CHD8: variants seen among roughly 807,000 people sequenced by gnomAD.
The protein encoded by CHD8 is chromodomain helicase DNA binding protein 8.
Under a neutral mutation model 279.2 loss-of-function variants are expected in CHD8, and 31 were observed. The ratio of observed to expected loss-of-function variants is 0.11; its 90% CI spans 0.08 to 0.15. The LOEUF (loss-of-function observed/expected upper bound fraction) is 0.15, where lower values mean the gene tolerates loss of function less well. CHD8 is among the 10% of genes least tolerant of loss of function. The pLI, the probability that CHD8 is intolerant of heterozygous loss-of-function variation, is 1.00. For synonymous variants in CHD8, 1,081 were observed against 1,139.6 expected, an observed-to-expected ratio of 0.95 and a Z score of 1.04; for missense variants, 2,146 against 3,230.5, an observed-to-expected ratio of 0.66 and a Z score of 8.14.
Position 21,391,594 on chromosome 14 carries a change from C to T in CHD8, c.6934G>A (p.Glu2312Lys), listed in dbSNP as rs1413728519. The T allele has an allele frequency of 6.2e-7, 1 of 1,611,816 alleles. No individual in the cohort carries two copies. The highest frequency in any genetic ancestry group is 8.5e-7 in the Non-Finnish European group (1 of 1,178,924). Residue 2312 changes from glutamate to lysine, a missense_variant, in exon 36 of 38, where the codon GAG becomes AAG. By Grantham distance (56) the Glu-to-Lys change is moderately conservative. Around this residue, in one of 26 missense-constraint regions of CHD8, gnomAD observed 336 missense variants for 392.9 expected, o/e 0.86. Transcript: ENST00000646647. ...TTATTGATGACAGGGATCCGGGTCT[C>T]CAGGTCCACATCAAGGTGATTAGGC... ...EEPNHLDVDL[E>K]TRIPVINKVD...
Position 21,393,551 on chromosome 14 carries a change from A to G in CHD8, c.6244T>C (p.Ser2082Pro). The change falls in exon 32 of 38, where the codon TCT becomes CCT. Residue 2082 changes from serine (S) to proline (P), a missense_variant. Physicochemically the swap from Ser to Pro is moderately conservative, Grantham distance 74. Coordinates refer to ENST00000646647, the MANE Select transcript of CHD8 (RefSeq NM_001170629.2). ...ELDLSKLSPS[S>P]SSSSSSSSSS... ...CTGGATGAGGATGAGGAAGAAGAAG[A>G]AGATGGTGACAGCTTGCTCAAGTCC... 6.2e-7 allele frequency: 1 copy of G among 1,609,396 alleles called. No homozygotes were observed. The highest frequency in any genetic ancestry group is 1.1e-5 in the South Asian group (1 of 90,150).
In CHD8 at chr14:21,403,747, A is replaced by G; in HGVS notation, c.3308-84T>C. On this transcript the variant is annotated intron_variant, in intron 16 of 37. Coordinates refer to ENST00000646647, the MANE Select transcript of CHD8 (RefSeq NM_001170629.2). This position sits in a 1 kb window ranked among gnomAD's most constrained non-coding sequence, Gnocchi z 4.3. ...CTATTTAACTAAGAAAGCAAAAGGA[A>G]AAAAATGTAATTTGACTTAAGACCA... is the stretch of plus-strand genomic sequence containing the variant. The G allele has an allele frequency of 1.7e-6, 2 of 1,166,324 alleles. No homozygotes were observed. Among genetic ancestry groups the G allele is most frequent in the Non-Finnish European group, 1.2e-6 (1 of 812,352 alleles). The allele number at this position is 1,166,324 out of a possible 1,614,324, so 72.2% of individuals were successfully genotyped here. A position where few individuals can be genotyped will look rare whatever the true frequency, so the allele number is the denominator to read the frequency against.
In CHD8 at chr14:21,394,506, CA is replaced by C. The variant is rs767155795; in HGVS notation, c.5391-22del. 3 of 1,399,056 alleles carry C rather than the reference CA, an allele frequency of 2.1e-6. No homozygotes were observed. The African/African-American group carries it at 4.5e-5, about 21-fold the overall frequency. The allele number at this position is 1,399,056 out of a possible 1,614,324, so 86.7% of individuals were successfully genotyped here. On this transcript the variant is annotated intron_variant, in intron 30 of 37. Transcript: ENST00000646647. ...TCCATCTACAAAAGGAAAAGTAGGG[CA>C]ACAATAATCAGAAGAACACATCAGA...
chr14:21,402,559 G>T lies in CHD8; in HGVS notation c.3715-56C>A. On this transcript the variant is annotated intron_variant, in intron 18 of 37. Coordinates refer to ENST00000646647, the MANE Select transcript of CHD8 (RefSeq NM_001170629.2). The surrounding 1 kb of genome is among the most constrained non-coding windows in gnomAD (Gnocchi z 4.5). ...GAAAGATATCATAAAATTAGCAAGG[G>T]AAAGGATACAAAATACCAATTTATG... 6.7e-7 allele frequency: 1 copy of T among 1,482,932 alleles called. No homozygotes were observed. Among genetic ancestry groups the T allele is most frequent in the Non-Finnish European group, 9.0e-7 (1 of 1,106,032 alleles). The allele number at this position is 1,482,932 out of a possible 1,614,324, so 91.9% of individuals were successfully genotyped here. A position where few individuals can be genotyped will look rare whatever the true frequency, so the allele number is the denominator to read the frequency against.
chr14:21,439,601 C>A (rs1240544605), intron 1 of CHD8, among the ~76,000 whole-genome samples: 1 of 152,176 alleles, frequency 6.6e-6, no homozygotes, highest in African/African-American at 2.4e-5. Context: ...TATGTAGTTG[C>A]TTATGTAAGA....
At chr14:21,451,398 C>T (rs961233969) in intron 1 of CHD8, among the ~76,000 whole-genome samples, 1 of 151,454 alleles carries the variant, frequency 6.6e-6, no homozygotes, top group Non-Finnish European at 1.5e-5. Flanking sequence ...AGTGAAACCC[C>T]GACTCTACTA....
At chr14:21,420,683 T>C (rs1888990449) in intron 5 of CHD8, among the ~76,000 whole-genome samples, 1 of 152,142 alleles carries the variant, frequency 6.6e-6, no homozygotes, top group South Asian at 2.1e-4. Flanking sequence ...AAGTAGAGTG[T>C]TCATGAAAGT....
intron 30 of CHD8, chr14:21,394,686 A>G (rs1887700718): frequency 3.2e-6 from 2 of 629,434 alleles, no homozygotes; most frequent in East Asian, 2.8e-5. Flanking sequence ...CCAAGGGGGA[A>G]AAGACACAGA....
In CHD8 at chr14:21,394,121, A is replaced by G. The variant is rs781394366; in HGVS notation, c.5674T>C (p.Leu1892=). ...RASRTLYRIE[L]LRRLREQVLC... is the part of the protein sequence containing the mutation. ...ACTTGTTCCCGTAAGCGCCGAAGCAATTCTATACGGTAGAGAGTCCGTGAG... is the reference window on the plus strand; with the variant it reads ...ACTTGTTCCCGTAAGCGCCGAAGCAGTTCTATACGGTAGAGAGTCCGTGAG... The change falls in exon 32 of 38, where the codon TTG becomes CTG. Residue 1892 remains leucine, a synonymous_variant. Transcript: ENST00000646647. 12 of 1,613,510 alleles carry G rather than the reference A, an allele frequency of 7.4e-6. No homozygotes were observed. The South Asian group carries it at 1.2e-4, about 16-fold the overall frequency.
chr14:21,423,986 G>T (rs769752260), intron 5 of CHD8, among the ~76,000 whole-genome samples: 2 of 152,082 alleles, frequency 1.3e-5, no homozygotes, highest in Non-Finnish European at 2.9e-5. Flanking sequence ...CAACCACTAT[G>T]CTGTTCATGG....
At chr14:21,455,216 G>C (rs887115589) in intron 1 of CHD8, 1 of 152,140 alleles carries the variant, frequency 6.6e-6, no homozygotes. Flanking sequence ...GAAAGAGATG[G>C]GTCCACTATA....
In CHD8 at chr14:21,385,427, C is replaced by G. The variant is rs766590617; in HGVS notation, c.*186G>C. On this transcript the variant is annotated 3_prime_UTR_variant, in exon 38 of 38. Transcript: ENST00000646647. ...TGGTCATGTATTATTTTAGGAGTTCCCCTGCCCACCCAATCCTCTCATAAT... is the reference window on the plus strand; with the variant it reads ...TGGTCATGTATTATTTTAGGAGTTCGCCTGCCCACCCAATCCTCTCATAAT... 1.7e-4 allele frequency: 160 copies of G among 959,638 alleles called. No individual in the cohort carries two copies. The highest frequency in any genetic ancestry group is 1.3e-3 in the Middle Eastern group (4 of 3,010). The allele number at this position is 959,638 out of a possible 1,614,324, so 59.4% of individuals were successfully genotyped here.
intron 26 of CHD8, 38 bp downstream of exon 26, chr14:21,399,564 T>C (rs1331898594): frequency 4.9e-6 from 7 of 1,415,658 alleles, no homozygotes; most frequent in Non-Finnish European, 7.0e-6. Context: ...AACATAAATC[T>C]TCAGTCGGAA....
At chr14:21,395,948 G>GT in intron 27 of CHD8, 56 bp from the exon 28 acceptor site, 1 of 1,144,480 alleles carries the variant, frequency 8.7e-7, no homozygotes, top group Non-Finnish European at 1.3e-6. Flanking sequence ...TATCACTAAG[G>GT]GAACCTAGGA....
chr14:21,414,952 G>C lies in CHD8; in HGVS notation c.2010C>G (p.Val670=), dbSNP rs113768690. The stretch of plus-strand genomic sequence containing the variant: ...AGATCACGTACTAGTTCTTGTACTT[G>C]ACAAAGAATTCTTCTGCTTCAGTAT... ...GQYTEAEEFF[V]KYKNYSYLHC... The change falls in exon 8 of 38, where the codon GTC becomes GTG. Residue 670 remains valine (V), a synonymous_variant. Coordinates refer to ENST00000646647, the MANE Select transcript of CHD8 (RefSeq NM_001170629.2). 23 of 1,601,996 alleles carry C rather than the reference G, an allele frequency of 1.4e-5. No homozygotes were observed. In the African/African-American group the frequency reaches 2.3e-4, roughly 16 times the overall value.
intron 28 of CHD8, 41 bp from the exon 29 acceptor site, chr14:21,395,393 G>C (rs776000865): frequency 5.6e-6 from 8 of 1,433,600 alleles, no homozygotes; most frequent in Non-Finnish European, 7.8e-6. Context: ...AGCGGGGAGG[G>C]AAAGGGGGGG....
intron 20 of CHD8, 117 bp from the exon 21 acceptor site, chr14:21,401,630 G>T: frequency 1.5e-6 from 1 of 672,466 alleles, no homozygotes; most frequent in Non-Finnish European, 2.4e-6. Flanking sequence ...TGTTGCCCAG[G>T]CTGGGGTACA....
In CHD8 at chr14:21,390,355, A is replaced by T. The variant is rs1055030111; in HGVS notation, c.7182+592T>A. Among the ~76,000 whole-genome samples the T allele has an allele frequency of 9.2e-5, 14 of 152,334 alleles. No homozygotes were observed. In the South Asian group the frequency reaches 2.5e-3, roughly 27 times the overall value. ...TTATTCAATAGAAGAACAGAGTAAGATCTGAATGTTCTCTCTAACCCATCT... is the reference window on the plus strand; with the variant it reads ...TTATTCAATAGAAGAACAGAGTAAGTTCTGAATGTTCTCTCTAACCCATCT... On this transcript the variant is annotated intron_variant, in intron 37 of 37. Coordinates refer to ENST00000646647, the MANE Select transcript of CHD8 (RefSeq NM_001170629.2).
At chr14:21,392,973 G>GGA (rs1354362335) in intron 33 of CHD8, 133 bp downstream of exon 33, 1 of 914,340 alleles carries the variant, frequency 1.1e-6, no homozygotes, top group African/African-American at 3.6e-5. Flanking sequence ...GAAGTTTCCT[G>GGA]GAAAAAAAAA....
Sources: gnomAD v4.1 joint callset for allele counts (sites outside exome capture counted in the v4.1 genomes callset) on GRCh38, gnomAD v4.1.1 for gene constraint, gnomAD v4.1.1 regional missense constraint, Gnocchi (gnomAD v3.1) non-coding constraint, MANE v1.5 for transcripts, NCBI Gene and HGNC (gene_info 2026-07-23, HGNC 2026-07-21) for gene names.